Variants in DNAJC1 observed in about 807,000 individuals in gnomAD.
DNAJC1 encodes the protein DnaJ heat shock protein family (Hsp40) member C1, also known as dnaJ homolog subfamily C member 1.
DNAJC1 carries 58 observed loss-of-function variants against 76.6 expected under a neutral mutation model. That is an observed-to-expected ratio of 0.76 (90% CI 0.61 to 0.94). The LOEUF (loss-of-function observed/expected upper bound fraction) is 0.94. Among genes scored for constraint, DNAJC1 ranks in the 40% least tolerant of loss-of-function variants. The pLI, the probability that DNAJC1 is intolerant of heterozygous loss-of-function variation, is 0.00. For missense variants in DNAJC1, 689 were observed against 677.3 expected (o/e 1.02, Z -0.19); for synonymous variants, 258 against 267.9 (o/e 0.96, Z 0.36).
At chr10:21,989,061 G>A (rs1340064997) in intron 1 of DNAJC1, among the ~76,000 whole-genome samples, 1 of 152,112 alleles carries the variant, frequency 6.6e-6, no homozygotes, top group Non-Finnish European at 1.5e-5. Flanking sequence ...CCCCAGACTT[G>A]AATAAAGTCT....
At chr10:21,903,355 C>G (rs1444870861) in intron 7 of DNAJC1, among the ~76,000 whole-genome samples, 1 of 152,204 alleles carries the variant, frequency 6.6e-6, no homozygotes, top group Non-Finnish European at 1.5e-5. Flanking sequence ...TTTGCACACT[C>G]CTACTTTTTA....
chr10:21,966,213 T>C (rs1401265171), intron 1 of DNAJC1, among the ~76,000 whole-genome samples: 1 of 152,202 alleles, frequency 6.6e-6, no homozygotes, highest in African/African-American at 2.4e-5. Context: ...GTAAATATGC[T>C]GATATATGTT....
At chr10:21,988,932 T>C (rs1838289031) in intron 1 of DNAJC1, among the ~76,000 whole-genome samples, 2 of 152,200 alleles carry the variant, frequency 1.3e-5, no homozygotes, top group African/African-American at 4.8e-5. Context: ...AGGACTCTCC[T>C]CTGGGTATCT....
chr10:21,786,491 G>GAC (rs1834612868), intron 9 of DNAJC1, among the ~76,000 whole-genome samples: 4 of 143,080 alleles, frequency 2.8e-5, no homozygotes, highest in African/African-American at 5.2e-5. Context: ...GAGAGAGAGA[G>GAC]AGAGAGAGAG....
chr10:21,822,106 T>C (rs1835169490), intron 8 of DNAJC1, among the ~76,000 whole-genome samples: 1 of 152,156 alleles, frequency 6.6e-6, no homozygotes, highest in Non-Finnish European at 1.5e-5. Context: ...CATTTTTAGT[T>C]ATGTTTAGTT....
chr10:21,999,933 C>T (rs935075357), intron 1 of DNAJC1, among the ~76,000 whole-genome samples: 1 of 152,138 alleles, frequency 6.6e-6, no homozygotes, highest in Non-Finnish European at 1.5e-5. Flanking sequence ...AACTCTACAC[C>T]TGAATAACCA....
chr10:21,822,968 C>CG lies in DNAJC1; in HGVS notation c.979-16870_979-16869insC, dbSNP rs569408081. 9.8e-4 allele frequency among the ~76,000 whole-genome samples: 149 copies of CG among 151,492 alleles called. 1 individual carries two copies. Among genetic ancestry groups the CG allele is most frequent in the African/African-American group, 3.5e-3 (143 of 41,278 alleles). On this transcript the variant is annotated intron_variant, in intron 8 of 11. Coordinates refer to ENST00000376980, the MANE Select transcript of DNAJC1 (RefSeq NM_022365.4). ...AATACATGTTAAATTGAAAAAACTA[C>CG]CACGGTCGGTAGTTTCAAATATTAG...
intron 7 of DNAJC1, among the ~76,000 whole-genome samples, chr10:21,893,832 G>GA (rs1836495499): frequency 6.6e-6 from 1 of 151,680 alleles, no homozygotes; most frequent in Admixed American, 6.6e-5. Context: ...AATAAGAGCA[G>GA]AAATCAATGA....
In DNAJC1 at chr10:21,800,534, T is replaced by C. The variant is rs923465425; in HGVS notation, c.1098+5446A>G. Reference sequence around the variant, plus strand: ...TAGCAAAAAAAGGAAGCAATTTAAATGTCAACCGATAGGATATTCTTTAAT... The same window carrying C: ...TAGCAAAAAAAGGAAGCAATTTAAACGTCAACCGATAGGATATTCTTTAAT... On this transcript the variant is annotated intron_variant, in intron 9 of 11. Transcript: ENST00000376980. Among the ~76,000 whole-genome samples, 3 of 152,210 alleles carry C rather than the reference T, an allele frequency of 2.0e-5. 1 individual carries two copies. The highest frequency in any genetic ancestry group is 7.2e-5 in the African/African-American group (3 of 41,446).
At position 21,759,211 on chromosome 10, in the gene DNAJC1, G is replaced by T. The variant is rs17852856; in HGVS notation, c.1555C>A (p.Arg519Ser). Reference protein sequence around the residue: ...LQQYPRGSSDRWDKIARCVPS... With the variant: ...LQQYPRGSSDSWDKIARCVPS... The stretch of plus-strand genomic sequence containing the variant: ...ACACATCTGGCTATTTTGTCCCAGC[G>T]GTCAGAGGATCCCCTTGGGTACTGC... Residue 519 changes from arginine (R) to serine (S), a missense_variant, in exon 11 of 12, where the codon CGC becomes AGC. Coordinates refer to ENST00000376980, the MANE Select transcript of DNAJC1 (RefSeq NM_022365.4). The T allele has an allele frequency of 2.7e-4, 438 of 1,614,018 alleles. No homozygotes were observed. Among genetic ancestry groups the T allele is most frequent in the Non-Finnish European group, 3.6e-4 (422 of 1,180,032 alleles).
At chr10:21,982,729 A>T (rs947242288) in intron 1 of DNAJC1, among the ~76,000 whole-genome samples, 38 of 152,160 alleles carry the variant, frequency 2.5e-4, no homozygotes, top group Admixed American at 3.9e-4. Flanking sequence ...AAAAAAAAAA[A>T]AAAGTAAAAA....
intron 8 of DNAJC1, among the ~76,000 whole-genome samples, chr10:21,875,082 T>C (rs150063143): frequency 8.5e-5 from 13 of 152,276 alleles, no homozygotes; most frequent in African/African-American, 2.9e-4. Context: ...CCTTTCACCA[T>C]GTTGGCCAGG....
intron 1 of DNAJC1, among the ~76,000 whole-genome samples, chr10:21,997,217 G>C (rs1838430246): frequency 6.6e-6 from 1 of 152,192 alleles, no homozygotes; most frequent in Admixed American, 6.5e-5. Flanking sequence ...AAAGGACTGT[G>C]ATGGGCTTTA....
chr10:21,840,363 G>A (rs1337931338), intron 8 of DNAJC1, among the ~76,000 whole-genome samples: 41 of 152,116 alleles, frequency 2.7e-4, no homozygotes, highest in Admixed American at 4.6e-4. Flanking sequence ...CCATCGTCTC[G>A]GCCCAAAATC....
chr10:21,862,381 G>T (rs1344666796), intron 8 of DNAJC1, among the ~76,000 whole-genome samples: 1 of 151,754 alleles, frequency 6.6e-6, no homozygotes, highest in Non-Finnish European at 1.5e-5. Context: ...TATGCAAACA[G>T]GAGGCAGTGT....
chr10:21,971,602 A>C (rs1837980179), intron 1 of DNAJC1, among the ~76,000 whole-genome samples: 1 of 151,878 alleles, frequency 6.6e-6, no homozygotes, highest in Admixed American at 6.6e-5. Flanking sequence ...GCTGTACTTT[A>C]AAAAAATAAT....
chr10:21,758,997 GCA>G (rs1564778527), intron 11 of DNAJC1, among the ~76,000 whole-genome samples, 171 bp downstream of exon 11: 2 of 152,172 alleles, frequency 1.3e-5, no homozygotes, highest in East Asian at 3.9e-4. Context: ...CCACCTGAAT[GCA>G]CAGATTCACA....
Position 21,974,603 on chromosome 10 carries a change from T to C in DNAJC1, c.222+28610A>G, listed in dbSNP as rs373985806. 3.3e-5 allele frequency among the ~76,000 whole-genome samples: 5 copies of C among 152,318 alleles called. No homozygotes were observed. The East Asian group carries it at 7.7e-4, about 23-fold the overall frequency. ...ATGAAAAAGTAAGTACCTTTTACCC[T>C]GACACTTTGTACTGCATTCTATTCT... On this transcript the variant is annotated intron_variant, in intron 1 of 11. Transcript: ENST00000376980.
At position 21,839,526 on chromosome 10, in the gene DNAJC1, C is replaced by G. The variant is rs1448521912; in HGVS notation, c.979-33427G>C. ...AAGAAATGGATAAATTCCTTGACAC[C>G]TACATCCTCCCAAGACTAAACCAGG... On this transcript the variant is annotated intron_variant, in intron 8 of 11. Transcript: ENST00000376980. Among the ~76,000 whole-genome samples the G allele has an allele frequency of 2.6e-5, 4 of 152,036 alleles. No homozygotes were observed. The South Asian group carries it at 8.3e-4, about 32-fold the overall frequency.
Sources: allele counts gnomAD v4.1 joint callset (sites outside exome capture counted in the v4.1 genomes callset), GRCh38; gene constraint gnomAD v4.1.1; transcripts MANE v1.5; gene names NCBI Gene and HGNC (gene_info 2026-07-23, HGNC 2026-07-21).